RCL1: variants seen among roughly 807,000 people sequenced by gnomAD.
RCL1 encodes RNA 3'-terminal phosphate cyclase-like protein.
A neutral mutation model predicts 42.4 loss-of-function variants in RCL1; 24 were observed. The observed-to-expected ratio is 0.57, with a 90% CI of 0.41 to 0.80. The LOEUF (loss-of-function observed/expected upper bound fraction) is 0.80. Among genes scored for constraint, RCL1 ranks in the 30% least tolerant of loss-of-function variants. RCL1 has a pLI of 0.00. For synonymous variants in RCL1, 228 were observed against 177.3 expected (o/e 1.29, Z -2.27); for missense variants, 578 against 467.9 (o/e 1.24, Z -2.17).
intron 8 of RCL1, among the ~76,000 whole-genome samples, chr9:4,853,000 C>G (rs1237906992): frequency 6.6e-6 from 1 of 152,220 alleles, no homozygotes; most frequent in East Asian, 1.9e-4. Flanking sequence ...ATTTTTATGA[C>G]TGACTTCCCC....
intron 1 of RCL1, among the ~76,000 whole-genome samples, chr9:4,812,456 G>T (rs1011277717): frequency 1.3e-5 from 2 of 151,988 alleles, no homozygotes; most frequent in African/African-American, 4.8e-5. Context: ...TAGAGACGAG[G>T]TTTCACTATA....
intron 8 of RCL1, among the ~76,000 whole-genome samples, chr9:4,858,830 C>G (rs1257923509): frequency 1.3e-5 from 2 of 152,182 alleles, no homozygotes; most frequent in African/African-American, 2.4e-5. Context: ...TGTAATACTT[C>G]ACTATAGATG....
chr9:4,804,738 A>G, intron 1 of RCL1: 1 of 186,400 alleles, frequency 5.4e-6, no homozygotes, highest in Non-Finnish European at 1.1e-5. Context: ...GGCTGACGCC[A>G]GCGAGGACAC....
rs1302105106 is a variant in RCL1 at position 4,860,464 on chromosome 9, GC to G, written c.*190del. ...ATGGTTTCCAGCTGTTTCTCCAGTG[GC>G]ATTGCCATTGCCCAGGAGGGGCCCA... On this transcript the variant is annotated 3_prime_UTR_variant, in exon 9 of 9. Coordinates refer to ENST00000381750, the MANE Select transcript of RCL1 (RefSeq NM_005772.5). The G allele has an allele frequency of 4.7e-6, 3 of 640,864 alleles. No homozygotes were observed. The highest frequency in any genetic ancestry group is 4.0e-5 in the Admixed American group (1 of 25,300). 39.7% of individuals were successfully genotyped at this position (640,864 alleles called of 1,614,324 possible).
At chr9:4,801,503 T>C (rs1400766074) in intron 1 of RCL1, among the ~76,000 whole-genome samples, 2 of 152,334 alleles carry the variant, frequency 1.3e-5, no homozygotes, top group East Asian at 3.9e-4. Flanking sequence ...TTGAGACTAC[T>C]TTATATATGC....
intron 7 of RCL1, 73 bp downstream of exon 7, chr9:4,844,754 G>A: frequency 6.7e-7 from 1 of 1,487,294 alleles, no homozygotes; most frequent in Non-Finnish European, 9.2e-7. Flanking sequence ...TCTCTTGGCA[G>A]CTTTCGTCCT....
chr9:4,799,601 T>C (rs78736571), intron 1 of RCL1, among the ~76,000 whole-genome samples: 2,352 of 152,342 alleles, frequency 0.015, 55 homozygotes, highest in African/African-American at 0.053. Context: ...TGTTCTTTAA[T>C]TTCTGTAATT....
chr9:4,802,310 CA>C (rs1843017320), intron 1 of RCL1, among the ~76,000 whole-genome samples: 1 of 152,010 alleles, frequency 6.6e-6, no homozygotes, highest in Non-Finnish European at 1.5e-5. Flanking sequence ...GTTTGTTTTT[CA>C]AAATCATTTT....
intron 1 of RCL1, 83 bp downstream of exon 1, chr9:4,793,310 T>C (rs1842861424): frequency 2.9e-6 from 4 of 1,392,716 alleles, no homozygotes; most frequent in Non-Finnish European, 3.8e-6. Context: ...CGCGCGGTGT[T>C]GGTTGGGCGG....
chr9:4,794,339 G>T (rs984704974), intron 1 of RCL1, among the ~76,000 whole-genome samples: 9 of 152,320 alleles, frequency 5.9e-5, no homozygotes, highest in African/African-American at 2.2e-4. Flanking sequence ...GAATATCCCA[G>T]GTACAGTGGT....
At chr9:4,800,888 A>G (rs1167399569) in intron 1 of RCL1, among the ~76,000 whole-genome samples, 1 of 151,964 alleles carries the variant, frequency 6.6e-6, no homozygotes, top group Non-Finnish European at 1.5e-5. Flanking sequence ...TCCTGACCTC[A>G]AGTAATCCTC....
At position 4,793,028 on chromosome 9, in the gene RCL1, G is replaced by T; in HGVS notation, c.-64G>T. The T allele has an allele frequency of 6.5e-7, 1 of 1,542,124 alleles. No individual in the cohort carries two copies. Among genetic ancestry groups the T allele is most frequent in the South Asian group, 1.2e-5 (1 of 84,188 alleles). On this transcript the variant is annotated 5_prime_UTR_variant, in exon 1 of 9. Coordinates refer to ENST00000381750, the MANE Select transcript of RCL1 (RefSeq NM_005772.5). ...CCGCCACCACCACCATCGGAGTCAC[G>T]AGTCCCGCGTCTGTCCGAAGTCGCC... is the stretch of plus-strand genomic sequence containing the variant.
At position 4,793,121 on chromosome 9, in the gene RCL1, C is replaced by T; in HGVS notation, c.30C>T (p.Tyr10=). The T allele has an allele frequency of 6.2e-7, 1 of 1,610,356 alleles. No homozygotes were observed. The highest frequency in any genetic ancestry group is 1.7e-4 in the Middle Eastern group (1 of 6,048). Reference sequence around the variant, plus strand: ...CGACTCAGGCGCACTCCCTCAGCTACGCAGGGTGCAACTTCTTGCGCCAAC... The same window carrying T: ...CGACTCAGGCGCACTCCCTCAGCTATGCAGGGTGCAACTTCTTGCGCCAAC... The part of the protein sequence containing the change: MATQAHSLS[Y]AGCNFLRQRL... Residue 10 remains tyrosine (Y), a synonymous_variant, in exon 1 of 9, where the codon TAC becomes TAT. Transcript: ENST00000381750.
rs1182029202 is a variant in RCL1 at position 4,849,092 on chromosome 9, GA to G, written c.868-354del. On this transcript the variant is annotated intron_variant, in intron 7 of 8. Coordinates refer to ENST00000381750, the MANE Select transcript of RCL1 (RefSeq NM_005772.5). ...CTCTACATCTTCTAGAACTGATTAA[GA>G]TTTTTTTTTTTTTGCATATACTCAA... Among the ~76,000 whole-genome samples the G allele has an allele frequency of 9.4e-5, 12 of 127,078 alleles. No individual in the cohort carries two copies. In the East Asian group the frequency reaches 2.8e-3, roughly 30 times the overall value. The allele number at this position is 127,078 out of a possible 152,430, so 83.4% of individuals were successfully genotyped here.
chr9:4,851,384 A>T (rs2129718618), intron 8 of RCL1, among the ~76,000 whole-genome samples: 1 of 152,306 alleles, frequency 6.6e-6, no homozygotes, highest in East Asian at 1.9e-4. Flanking sequence ...TCTTTTTGGT[A>T]AGCTAGCATA....
At chr9:4,827,756 G>GTGCA (rs1554639305) in intron 3 of RCL1, among the ~76,000 whole-genome samples, 3 of 108,820 alleles carry the variant, frequency 2.8e-5, no homozygotes, top group Admixed American at 1.1e-4. Flanking sequence ...GTGTGTGTGT[G>GTGCA]CACGCGTGTG....
chr9:4,801,475 TG>T (rs1180559283), intron 1 of RCL1, among the ~76,000 whole-genome samples: 1 of 152,250 alleles, frequency 6.6e-6, no homozygotes, highest in Non-Finnish European at 1.5e-5. Context: ...CCACGGTGCC[TG>T]GCCTCTACTG....
intron 1 of RCL1, among the ~76,000 whole-genome samples, chr9:4,808,881 A>C (rs1587698750): frequency 6.6e-6 from 1 of 152,346 alleles, no homozygotes; most frequent in South Asian, 2.1e-4. Flanking sequence ...ATATTATAAA[A>C]GTAATACATG....
At chr9:4,811,379 A>G (rs1208392847) in intron 1 of RCL1, among the ~76,000 whole-genome samples, 1 of 151,690 alleles carries the variant, frequency 6.6e-6, no homozygotes, top group African/African-American at 2.4e-5. Flanking sequence ...TCTCTTATCT[A>G]CCTGTACTTT....
Sources: gnomAD v4.1 joint callset for allele counts (sites outside exome capture counted in the v4.1 genomes callset) on GRCh38, gnomAD v4.1.1 for gene constraint, MANE v1.5 for transcripts, NCBI Gene and HGNC (gene_info 2026-07-23, HGNC 2026-07-21) for gene names.